Variants in INSL6 observed in about 807,000 individuals in gnomAD.
The protein encoded by INSL6 is insulin-like peptide INSL6.
INSL6 carries 16 observed loss-of-function variants against 9.4 expected under a neutral mutation model. The ratio of observed to expected loss-of-function variants is 1.70; its 90% CI spans 1.15 to 2.59. The LOEUF is 2.59. Ranked by LOEUF, INSL6 falls within the 30% of genes most tolerant of loss-of-function variation. The probability of loss-of-function intolerance (pLI) is 0.00; values close to 1 mark genes in which losing one functional copy is unlikely to be tolerated. For missense variants in INSL6, 391 were observed against 257.3 expected, an observed-to-expected ratio of 1.52 and a Z score of -3.56; for synonymous variants, 154 against 96.9, an observed-to-expected ratio of 1.59 and a Z score of -3.46.
chr9:5,112,044 A>C, the INSL6 span: 1 of 410,146 alleles, frequency 2.4e-6, no homozygotes, highest in South Asian at 1.8e-5. Flanking sequence ...CTTATCACCC[A>C]GCTACGACGG....
the INSL6 span, chr9:5,095,153 C>T: frequency 6.6e-6 from 1 of 152,174 alleles, no homozygotes; most frequent in African/African-American, 2.4e-5. Flanking sequence ...TAAACCATAT[C>T]CTAAAGTAAG....
At chr9:5,077,693 T>A in the INSL6 span, 1 of 589,838 alleles carries the variant, frequency 1.7e-6, no homozygotes, top group South Asian at 3.4e-5. Flanking sequence ...CCAATTCATG[T>A]AAAATAGTCT....
chr9:5,063,431 G>C, the INSL6 span, among the ~76,000 whole-genome samples: 1 of 152,150 alleles, frequency 6.6e-6, no homozygotes, highest in Non-Finnish European at 1.5e-5. Context: ...TCTGGGTACA[G>C]CTATTATTTT....
the INSL6 span, chr9:5,085,047 T>C: frequency 1.3e-6 from 1 of 766,514 alleles, no homozygotes; most frequent in Non-Finnish European, 2.2e-6. Flanking sequence ...GGCGTCTCTT[T>C]CTGGGGATGA....
At chr9:5,154,613 A>C (rs566409891) in intron 2 of INSL6, among the ~76,000 whole-genome samples, 4 of 152,348 alleles carry the variant, frequency 2.6e-5, no homozygotes, top group African/African-American at 7.2e-5. Context: ...CGATGAACTC[A>C]AACAAATTTA....
At chr9:5,185,220 C>T (rs1825540980) in intron 1 of INSL6, 94 bp downstream of exon 1, 1 of 1,518,104 alleles carries the variant, frequency 6.6e-7, no homozygotes. Flanking sequence ...GGCACAAATT[C>T]CACTTCCTGG....
chr9:5,027,990 T>C, the INSL6 span, among the ~76,000 whole-genome samples: 1 of 152,222 alleles, frequency 6.6e-6, no homozygotes, highest in Admixed American at 6.5e-5. Flanking sequence ...CTCCTGTTAA[T>C]GTTGACATTT....
chr9:5,024,215 CACT>C, the INSL6 span, among the ~76,000 whole-genome samples: 1 of 152,234 alleles, frequency 6.6e-6, no homozygotes, highest in Admixed American at 6.5e-5. Flanking sequence ...GAGATTGCGC[CACT>C]GCACTCCAGC....
In INSL6 at chr9:5,164,335, A is replaced by G. The variant is rs1824998219; in HGVS notation, c.290-70T>C. ...CTTTAGATGAAAATTTAATATTGGAACAGTAAAATCAGCTAATTATTAAAA... is the reference window on the plus strand; with the variant it reads ...CTTTAGATGAAAATTTAATATTGGAGCAGTAAAATCAGCTAATTATTAAAA... On this transcript the variant is annotated intron_variant, in intron 1 of 1. Coordinates refer to ENST00000381641, the MANE Select transcript of INSL6 (RefSeq NM_007179.3). The G allele has an allele frequency of 7.3e-6, 7 of 961,022 alleles. No homozygotes were observed. In the South Asian group the frequency reaches 1.0e-4, roughly 14 times the overall value. 59.5% of individuals were successfully genotyped at this position (961,022 alleles called of 1,614,324 possible). A position where few individuals can be genotyped will look rare whatever the true frequency, so the allele number is the denominator to read the frequency against.
the INSL6 span, among the ~76,000 whole-genome samples, chr9:5,060,090 A>G: frequency 3.9e-5 from 6 of 152,228 alleles, no homozygotes; most frequent in Non-Finnish European, 5.9e-5. Flanking sequence ...TTTACACTAT[A>G]ATCAAGTCTA....
the INSL6 span, among the ~76,000 whole-genome samples, chr9:5,118,237 A>AT: frequency 1.3e-5 from 2 of 152,148 alleles, no homozygotes; most frequent in African/African-American, 2.4e-5. Context: ...ATAGACTTTT[A>AT]TTTTTTTGTA....
At chr9:5,117,579 A>G in the INSL6 span, among the ~76,000 whole-genome samples, 2 of 152,230 alleles carry the variant, frequency 1.3e-5, no homozygotes, top group Admixed American at 6.5e-5. Context: ...AATGTAAAAC[A>G]ATGTGACTCT....
the INSL6 span, among the ~76,000 whole-genome samples, chr9:5,039,049 C>T: frequency 6.6e-6 from 1 of 152,086 alleles, no homozygotes; most frequent in Non-Finnish European, 1.5e-5. Context: ...AAAGTAATGT[C>T]ATACTTATTA....
the INSL6 span, among the ~76,000 whole-genome samples, chr9:5,022,605 A>G: frequency 6.6e-6 from 1 of 152,214 alleles, no homozygotes; most frequent in South Asian, 2.1e-4. Flanking sequence ...TGGCTGACAA[A>G]CCATCATTTT....
intron 3 of INSL6, chr9:5,127,092 T>A (rs1824047965): frequency 3.7e-6 from 1 of 269,232 alleles, no homozygotes; most frequent in Non-Finnish European, 7.1e-6. Flanking sequence ...TCAACTCAGC[T>A]TTTTGAGACC....
the INSL6 span, chr9:5,068,881 A>G: frequency 9.9e-6 from 5 of 505,170 alleles, no homozygotes; most frequent in African/African-American, 5.9e-5. Context: ...AAGTACTTCT[A>G]TCACTATACT....
the INSL6 span, chr9:5,040,960 AC>A: frequency 9.3e-6 from 5 of 535,228 alleles, no homozygotes; most frequent in African/African-American, 9.7e-5. Flanking sequence ...GAATCTCTAT[AC>A]AAACAAATAT....
chr9:5,022,660 A>G, the INSL6 span, among the ~76,000 whole-genome samples: 2 of 152,154 alleles, frequency 1.3e-5, no homozygotes, highest in Non-Finnish European at 2.9e-5. Flanking sequence ...TTCCTCATAT[A>G]TATTTCTTAT....
intron 3 of INSL6, chr9:5,131,948 T>A (rs1298284925): frequency 6.6e-6 from 1 of 152,216 alleles, no homozygotes; most frequent in Non-Finnish European, 1.5e-5. Flanking sequence ...AATCCTTGTT[T>A]CTATCAATAA....
Sources: gnomAD v4.1 joint callset for allele counts (sites outside exome capture counted in the v4.1 genomes callset) on GRCh38, gnomAD v4.1.1 for gene constraint, MANE v1.5 for transcripts, NCBI Gene and HGNC (gene_info 2026-07-23, HGNC 2026-07-21) for gene names.